Variants in FBXL17 observed in about 807,000 individuals in gnomAD.
The protein encoded by FBXL17 is F-box/LRR-repeat protein 17.
FBXL17 carries 22 observed loss-of-function variants against 66.2 expected under a neutral mutation model. The observed-to-expected ratio is 0.33, with a 90% confidence interval of 0.24 to 0.47. The LOEUF (loss-of-function observed/expected upper bound fraction) is 0.47, where lower values mean the gene tolerates loss of function less well. Among genes scored for constraint, FBXL17 ranks in the 20% least tolerant of loss-of-function variants. The probability of loss-of-function intolerance (pLI) is 1.00; values close to 1 mark genes in which losing one functional copy is unlikely to be tolerated. For synonymous variants in FBXL17, 474 were observed against 400.5 expected, an observed-to-expected ratio of 1.18 and a Z score of -2.19; for missense variants, 878 against 948.2, an observed-to-expected ratio of 0.93 and a Z score of 0.97.
At chr5:108,263,954 G>A (rs1756938934) in intron 4 of FBXL17, among the ~76,000 whole-genome samples, 2 of 152,060 alleles carry the variant, frequency 1.3e-5, no homozygotes, top group Admixed American at 6.6e-5. Context: ...AGTGGCTCAC[G>A]CCTGTAATCC....
chr5:108,331,199 G>A (rs974277867), intron 4 of FBXL17, among the ~76,000 whole-genome samples: 4 of 152,126 alleles, frequency 2.6e-5, no homozygotes, highest in African/African-American at 4.8e-5. Context: ...TCAATATCAA[G>A]AAATCATTAA....
At position 108,202,949 on chromosome 5, in the gene FBXL17, C is replaced by T. The variant is rs552807971; in HGVS notation, c.1615-16702G>A. On this transcript the variant is annotated intron_variant, in intron 5 of 8. Coordinates refer to ENST00000542267, the MANE Select transcript of FBXL17 (RefSeq NM_001163315.3). ...GCGTTTAACTTAAATAATTAAGCAA[C>T]CTTTAATGGGTCAGCAGGAAAAGAA... is the stretch of plus-strand genomic sequence containing the variant. Among the ~76,000 whole-genome samples, 23 of 152,002 alleles carry T rather than the reference C, an allele frequency of 1.5e-4. No homozygotes were observed. In the East Asian group the frequency reaches 1.5e-3, roughly 10 times the overall value.
rs987917493 is a variant in FBXL17 at position 108,380,925 on chromosome 5, T to C, written c.767A>G (p.Gln256Arg). 1.4e-5 allele frequency: 17 copies of C among 1,220,788 alleles called. No individual in the cohort carries two copies. Among genetic ancestry groups the C allele is most frequent in the Non-Finnish European group, 1.7e-5 (17 of 978,236 alleles). 75.6% of individuals were successfully genotyped at this position (1,220,788 alleles called of 1,614,324 possible). ...AGAAGAGGGCGGAGGGCAGAGCGGC[T>C]GCGGGGGCTGCTCCGGGGCCTGGCA... is the stretch of plus-strand genomic sequence containing the variant. ...GCCQAPEQPP[Q>R]PLCPPPSSPT... The change falls in exon 1 of 9, where the codon CAG becomes CGG. Residue 256 changes from glutamine (Q) to arginine (R), a missense_variant. By Grantham distance (43) the Gln-to-Arg change is conservative. Transcript: ENST00000542267.
chr5:108,113,547 G>A (rs951772506), intron 6 of FBXL17, among the ~76,000 whole-genome samples: 3 of 152,020 alleles, frequency 2.0e-5, no homozygotes, highest in African/African-American at 7.2e-5. Context: ...AAAATTATGG[G>A]CAAGTGGACA....
intron 6 of FBXL17, among the ~76,000 whole-genome samples, chr5:108,135,498 C>A (rs1231795254): frequency 6.6e-6 from 1 of 152,146 alleles, no homozygotes; most frequent in Non-Finnish European, 1.5e-5. Context: ...CAGTACTCCA[C>A]TAACATCTTA....
intron 8 of FBXL17, among the ~76,000 whole-genome samples, chr5:107,865,826 C>G (rs1256835257): frequency 5.3e-5 from 8 of 152,138 alleles, no homozygotes. Context: ...AAATATTATA[C>G]TACAGTTATG....
chr5:108,054,909 T>C (rs573343374), intron 6 of FBXL17, among the ~76,000 whole-genome samples: 17 of 152,240 alleles, frequency 1.1e-4, no homozygotes, highest in Non-Finnish European at 2.1e-4. Flanking sequence ...AGTCTTCTTA[T>C]GTTTGTTTGA....
At chr5:108,152,373 C>T (rs764644304) in intron 6 of FBXL17, among the ~76,000 whole-genome samples, 2 of 152,152 alleles carry the variant, frequency 1.3e-5, no homozygotes, top group Admixed American at 6.5e-5. Context: ...TCCAACAGGT[C>T]GGGCATTGTG....
At chr5:108,170,684 C>A (rs1199853436) in intron 6 of FBXL17, among the ~76,000 whole-genome samples, 5 of 152,112 alleles carry the variant, frequency 3.3e-5, no homozygotes, top group South Asian at 2.1e-4. Flanking sequence ...TAAGTGTCTG[C>A]CACCAGGCCC....
chr5:108,344,969 A>G (rs940491381), intron 4 of FBXL17, among the ~76,000 whole-genome samples: 1 of 152,158 alleles, frequency 6.6e-6, no homozygotes, highest in Non-Finnish European at 1.5e-5. Context: ...AACTATACCT[A>G]TGTAGGTACA....
At chr5:107,981,664 G>A (rs1166591430) in intron 7 of FBXL17, among the ~76,000 whole-genome samples, 2 of 152,178 alleles carry the variant, frequency 1.3e-5, no homozygotes, top group Non-Finnish European at 2.9e-5. Context: ...GTTGGCTTTC[G>A]CAGTTTCTGT....
chr5:107,890,757 ACATACATGTTGTCAGGCTGAC>A, intron 7 of FBXL17, among the ~76,000 whole-genome samples: 1 of 152,286 alleles, frequency 6.6e-6, no homozygotes, highest in East Asian at 1.9e-4. Flanking sequence ...GTTGGTGAAA[ACATACATGTTGTCAGGCTGAC>A]CAATAAACAT....
chr5:108,149,400 G>A (rs1043104635), intron 6 of FBXL17, among the ~76,000 whole-genome samples: 1 of 152,152 alleles, frequency 6.6e-6, no homozygotes, highest in Non-Finnish European at 1.5e-5. Context: ...TTCCTTCAAA[G>A]ATAGTTTCTG....
intron 4 of FBXL17, among the ~76,000 whole-genome samples, chr5:108,285,691 GAAA>G (rs1014024344): frequency 4.6e-5 from 7 of 151,728 alleles, no homozygotes; most frequent in African/African-American, 1.7e-4. Context: ...ATGTGGGCTT[GAAA>G]ACAGTGGGCT....
At chr5:108,115,859 A>G (rs1750228199) in intron 6 of FBXL17, among the ~76,000 whole-genome samples, 2 of 152,200 alleles carry the variant, frequency 1.3e-5, no homozygotes, top group Non-Finnish European at 2.9e-5. Flanking sequence ...CAGGTAAGAT[A>G]TTCATCTACT....
At chr5:108,065,839 A>G (rs962107862) in intron 6 of FBXL17, among the ~76,000 whole-genome samples, 45 of 152,184 alleles carry the variant, frequency 3.0e-4, no homozygotes, top group Non-Finnish European at 6.0e-4. Flanking sequence ...GAAACTGTAA[A>G]AAGAGTAAAA....
chr5:107,946,253 TTTTATATATATATATA>T (rs1561333297), intron 7 of FBXL17, among the ~76,000 whole-genome samples: 9 of 63,490 alleles, frequency 1.4e-4, no homozygotes, highest in South Asian at 5.2e-4. Flanking sequence ...ATCAATCTCA[TTTTATATATATATATA>T]TATATATATA....
intron 6 of FBXL17, among the ~76,000 whole-genome samples, chr5:108,129,286 T>C (rs543152540): frequency 6.6e-6 from 1 of 152,212 alleles, no homozygotes; most frequent in Non-Finnish European, 1.5e-5. Context: ...TCAAGTATTA[T>C]GAAATCAATG....
intron 7 of FBXL17, among the ~76,000 whole-genome samples, chr5:107,953,125 G>A (rs910106340): frequency 3.3e-5 from 5 of 152,012 alleles, no homozygotes; most frequent in South Asian, 2.1e-4. Context: ...GATGTAGGCC[G>A]GGCGCTGTGG....
Sources: gnomAD v4.1 joint callset for allele counts (sites outside exome capture counted in the v4.1 genomes callset) on GRCh38, gnomAD v4.1.1 for gene constraint, MANE v1.5 for transcripts, NCBI Gene and HGNC (gene_info 2026-07-23, HGNC 2026-07-21) for gene names.